SEC62: variants seen among roughly 807,000 people sequenced by gnomAD.
SEC62 encodes the protein SEC62 preprotein translocation factor.
A neutral mutation model predicts 47.5 loss-of-function variants in SEC62; 10 were observed. The observed-to-expected ratio is 0.21, with a 90% confidence interval of 0.13 to 0.36. The LOEUF (loss-of-function observed/expected upper bound fraction) is 0.36. Among genes scored for constraint, SEC62 ranks in the 10% least tolerant of loss-of-function variants. SEC62 has a pLI of 1.00. For synonymous variants in SEC62, 136 were observed against 150.5 expected, an observed-to-expected ratio of 0.90 and a Z score of 0.71; for missense variants, 327 against 464.1, an observed-to-expected ratio of 0.70 and a Z score of 2.71.
chr3:169,988,390 A>G (rs1221634875), intron 7 of SEC62, 31 bp downstream of exon 7: 2 of 1,612,242 alleles, frequency 1.2e-6, no homozygotes, highest in Non-Finnish European at 8.5e-7. Flanking sequence ...ATTGACCTCA[A>G]GAAGGTTGGT....
At chr3:169,982,531 A>T (rs1006108417) in intron 3 of SEC62, 176 bp from the exon 4 acceptor site, 4 of 666,882 alleles carry the variant, frequency 6.0e-6, no homozygotes, top group Non-Finnish European at 1.1e-5. Context: ...AATTGACTGT[A>T]AAGTGTTTTG....
At chr3:169,985,693 C>T (rs1241942419) in intron 5 of SEC62, 112 bp from the exon 6 acceptor site, 15 of 646,316 alleles carry the variant, frequency 2.3e-5, no homozygotes, top group Non-Finnish European at 3.8e-5. Context: ...AATTACTTCT[C>T]GTATGTTAAG....
intron 6 of SEC62, among the ~76,000 whole-genome samples, chr3:169,986,542 T>TA (rs371649409): frequency 0.016 from 2,402 of 151,808 alleles, 67 homozygotes; most frequent in African/African-American, 0.056. Context: ...CTAGAATAGA[T>TA]AAAAAAAGAA....
chr3:169,986,082 C>G (rs1344851988), intron 6 of SEC62, among the ~76,000 whole-genome samples: 1 of 151,960 alleles, frequency 6.6e-6, no homozygotes, highest in African/African-American at 2.4e-5. Context: ...GAAAAATGGT[C>G]AAGGTAGTTA....
chr3:169,991,000 C>G (rs963209963), intron 7 of SEC62, among the ~76,000 whole-genome samples: 1 of 152,162 alleles, frequency 6.6e-6, no homozygotes, highest in South Asian at 2.1e-4. Context: ...ACATAATCAT[C>G]ATGACCTTTT....
At chr3:169,987,936 T>C (rs534547909) in intron 6 of SEC62, among the ~76,000 whole-genome samples, 2 of 152,328 alleles carry the variant, frequency 1.3e-5, no homozygotes, top group Admixed American at 6.5e-5. Flanking sequence ...AAAGTAGATA[T>C]AGCTTGAAAA....
rs530063462 is a variant in SEC62, at chr3:169,991,427, A to G, written c.731-1167A>G. Among the ~76,000 whole-genome samples the G allele has an allele frequency of 6.6e-5, 10 of 152,090 alleles. No homozygotes were observed. In the East Asian group the frequency reaches 1.2e-3, roughly 18 times the overall value. On this transcript the variant is annotated intron_variant, in intron 7 of 7. Transcript: ENST00000337002. ...AGATAGGTAGAGAGAGAGGGAGGAT[A>G]GATAGAGAGAGAGAGATTAGATAAA...
intron 5 of SEC62, chr3:169,983,930 A>G (rs1451918517): frequency 1.3e-5 from 2 of 152,194 alleles, no homozygotes; most frequent in Non-Finnish European, 2.9e-5. Context: ...ACATCACTTG[A>G]GGGGCTTAAA....
At chr3:169,983,620 T>A (rs922398285) in intron 5 of SEC62, 1 of 157,352 alleles carries the variant, frequency 6.4e-6, no homozygotes, top group Non-Finnish European at 1.4e-5. Context: ...CCAGAATGAC[T>A]GCCAATCTTA....
intron 7 of SEC62, among the ~76,000 whole-genome samples, chr3:169,991,436 G>A (rs1377175154): frequency 6.6e-6 from 1 of 152,040 alleles, no homozygotes; most frequent in Non-Finnish European, 1.5e-5. Flanking sequence ...TAGATAGAGA[G>A]AGAGAGATTA....
At chr3:169,975,840 A>C in intron 2 of SEC62, 124 bp downstream of exon 2, 1 of 565,816 alleles carries the variant, frequency 1.8e-6, no homozygotes, top group East Asian at 2.9e-5. Context: ...GACATATGGC[A>C]GTTGATTATT....
Position 169,990,268 on chromosome 3 carries a change from AT to A in SEC62, c.730+1920del, listed in dbSNP as rs897352066. ...AGGAGCATGTTGCCATGCCTAGCTA[AT>A]TTTTTTTTTTAAAGTCAGGGTCTTG... On this transcript the variant is annotated intron_variant, in intron 7 of 7. Transcript: ENST00000337002. 4.2e-3 allele frequency among the ~76,000 whole-genome samples: 622 copies of A among 147,594 alleles called. 5 individuals carry two copies. The highest frequency in any genetic ancestry group is 0.013 in the African/African-American group (541 of 40,600).
At chr3:169,982,148 CAG>C (rs1306421509) in intron 3 of SEC62, among the ~76,000 whole-genome samples, 2 of 152,098 alleles carry the variant, frequency 1.3e-5, no homozygotes, top group Non-Finnish European at 2.9e-5. Flanking sequence ...ACGTCCTTTT[CAG>C]AGTCCAAAAA....
chr3:169,971,555 T>C (rs962781080), intron 1 of SEC62, among the ~76,000 whole-genome samples: 9 of 152,246 alleles, frequency 5.9e-5, no homozygotes, highest in African/African-American at 2.2e-4. Flanking sequence ...GGAGAGATTA[T>C]CCAAGTCCGT....
At chr3:169,981,991 AGT>A (rs1714985315) in intron 3 of SEC62, among the ~76,000 whole-genome samples, 1 of 152,192 alleles carries the variant, frequency 6.6e-6, no homozygotes, top group Non-Finnish European at 1.5e-5. Context: ...GGGAACAGCC[AGT>A]GTGAAGGCCC....
chr3:169,982,529 G>A, intron 3 of SEC62, 178 bp from the exon 4 acceptor site: 1 of 659,762 alleles, frequency 1.5e-6, no homozygotes, highest in South Asian at 1.4e-5. Flanking sequence ...ATAATTGACT[G>A]TAAAGTGTTT....
At position 169,993,236 on chromosome 3, in the gene SEC62, A is replaced by T. The variant is rs904213255; in HGVS notation, c.*173A>T. 5 of 590,348 alleles carry T rather than the reference A, an allele frequency of 8.5e-6. No homozygotes were observed. Among genetic ancestry groups the T allele is most frequent in the Non-Finnish European group, 1.5e-5 (5 of 336,820 alleles). The allele number at this position is 590,348 out of a possible 1,614,324, so 36.6% of individuals were successfully genotyped here. A position where few individuals can be genotyped will look rare whatever the true frequency, so the allele number is the denominator to read the frequency against. On this transcript the variant is annotated 3_prime_UTR_variant, in exon 8 of 8. Transcript: ENST00000337002. ...CTTCATTTTATAGAATATTGGCACT[A>T]TTATTGGTACAGTTTAAAGCCATTA...
chr3:169,987,048 G>A (rs1715125834), intron 6 of SEC62, among the ~76,000 whole-genome samples: 1 of 150,216 alleles, frequency 6.7e-6, no homozygotes. Context: ...TATGGGGAAA[G>A]AATGATTTAA....
rs576255709 is a variant in SEC62, at chr3:169,991,308, A to G, written c.731-1286A>G. ...TCAGTGACTCACAACTGCGATCCCAACTACTCGGGAGGCTGAGGTGAGAGG... is the reference window on the plus strand; with the variant it reads ...TCAGTGACTCACAACTGCGATCCCAGCTACTCGGGAGGCTGAGGTGAGAGG... On this transcript the variant is annotated intron_variant, in intron 7 of 7. Transcript: ENST00000337002. Among the ~76,000 whole-genome samples the G allele has an allele frequency of 4.9e-4, 74 of 152,238 alleles. 2 individuals are homozygous for G. The South Asian group carries it at 0.012, about 25-fold the overall frequency.
Sources: allele counts gnomAD v4.1 joint callset (sites outside exome capture counted in the v4.1 genomes callset), GRCh38; gene constraint gnomAD v4.1.1; transcripts MANE v1.5; gene names NCBI Gene and HGNC (gene_info 2026-07-23, HGNC 2026-07-21).